Variants in SPTBN5 observed in about 807,000 individuals in gnomAD.
SPTBN5 encodes spectrin beta chain, non-erythrocytic 5.
In SPTBN5, 513 loss-of-function variants were observed where a neutral mutation model predicts 477.6. That is an observed-to-expected ratio of 1.07 (90% confidence interval 1.00 to 1.16). The LOEUF is 1.16. Ranked by LOEUF, SPTBN5 falls within the 50% of genes most tolerant of loss-of-function variation. The pLI, the probability that SPTBN5 is intolerant of heterozygous loss-of-function variation, is 0.00. For missense variants in SPTBN5, 5,062 were observed against 4,731.8 expected (o/e 1.07, Z -2.05); for synonymous variants, 2,169 against 2,011.7 (o/e 1.08, Z -2.09).
chr15:41,868,312 C>T, intron 33 of SPTBN5, 86 bp downstream of exon 33: 1 of 1,563,756 alleles, frequency 6.4e-7, no homozygotes, highest in Admixed American at 1.9e-5. Flanking sequence ...GAGAGGCCAG[C>T]ATGGCACAGT....
Position 41,857,708 on chromosome 15 carries a change from C to T in SPTBN5, c.8229G>A (p.Glu2743=). 1 of 1,569,632 alleles carries T rather than the reference C, an allele frequency of 6.4e-7. No individual in the cohort carries two copies. The highest frequency in any genetic ancestry group is 8.6e-7 in the Non-Finnish European group (1 of 1,160,372). ...GGCCCCCCTGCAGCAGCCTCTGTCC[C>T]TCCTGCAGCCACAACATGAAACACA... ...SMHQQQELQR[E]GQRLLQGGHP... Residue 2743 remains glutamate (E), a splice_region_variant and synonymous_variant, in exon 50 of 68, where the codon GAG becomes GAA. Transcript: ENST00000320955.
rs1384895127 is a variant in SPTBN5, at chr15:41,857,339, G to A, written c.8520C>T (p.Ala2840=). Residue 2840 remains alanine (A), a synonymous_variant, in exon 51 of 68, where the codon GCC becomes GCT. Transcript: ENST00000320955. ...GGCCCAGCAGTGCCTCAGCCTGCCTGGCCTTCTTGTCCACTGCTGCCTCCA... is the reference window on the plus strand; with the variant it reads ...GGCCCAGCAGTGCCTCAGCCTGCCTAGCCTTCTTGTCCACTGCTGCCTCCA... ...RELEAAVDKK[A]RQAEALLGQA... 4 of 1,570,378 alleles carry A rather than the reference G, an allele frequency of 2.5e-6. No individual in the cohort carries two copies. Among genetic ancestry groups the A allele is most frequent in the Non-Finnish European group, 3.5e-6 (4 of 1,158,176 alleles).
In SPTBN5 at chr15:41,875,531, T is replaced by C; in HGVS notation, c.4214A>G (p.Asn1405Ser). The stretch of plus-strand genomic sequence containing the variant: ...GTCCCCACGCTCAGTCATCTTGCGG[T>C]TCAAAGCTTCCCACTTGCTTCTCAG... ...QGLRSKWEAL[N>S]RKMTERGDEL... The change falls in exon 22 of 68, where the codon AAC becomes AGC. Residue 1405 changes from asparagine (N) to serine (S), a missense_variant. Physicochemically the swap from Asn to Ser is conservative, Grantham distance 46 (BLOSUM62 1). Transcript: ENST00000320955. The C allele has an allele frequency of 6.2e-7, 1 of 1,612,252 alleles. No homozygotes were observed. Among genetic ancestry groups the C allele is most frequent in the Non-Finnish European group, 8.5e-7 (1 of 1,179,338 alleles).
At position 41,848,251 on chromosome 15, in the gene SPTBN5, T is replaced by C. The variant is rs1308800329; in HGVS notation, c.*365A>G. The C allele has an allele frequency of 8.1e-6, 4 of 492,336 alleles. No homozygotes were observed. Among genetic ancestry groups the C allele is most frequent in the Non-Finnish European group, 1.1e-5 (3 of 270,790 alleles). The allele number at this position is 492,336 out of a possible 1,614,324, so 30.5% of individuals were successfully genotyped here. ...GTACAGAGCTCGCTCATCAGTGTTCTTCCTCCGAAGAGCACATTCTCTGCA... is the reference window on the plus strand; with the variant it reads ...GTACAGAGCTCGCTCATCAGTGTTCCTCCTCCGAAGAGCACATTCTCTGCA... On this transcript the variant is annotated 3_prime_UTR_variant, in exon 68 of 68. Transcript: ENST00000320955.
Position 41,878,578 on chromosome 15 carries a change from C to T in SPTBN5, c.3234G>A (p.Glu1078=). ...AESQPLQGQV[E]TLQGLLKQVQ... ...CTTGCTTCAGCAGCCCCTGCAGTGTCTCCACCTGTCCTTGCAGAGGCTGGC... is the reference window on the plus strand; with the variant it reads ...CTTGCTTCAGCAGCCCCTGCAGTGTTTCCACCTGTCCTTGCAGAGGCTGGC... Residue 1078 remains glutamate, a synonymous_variant, in exon 17 of 68, where the codon GAG becomes GAA. Coordinates refer to ENST00000320955, the MANE Select transcript of SPTBN5 (RefSeq NM_016642.4). 6.2e-7 allele frequency: 1 copy of T among 1,612,854 alleles called. No individual in the cohort carries two copies. The highest frequency in any genetic ancestry group is 1.1e-5 in the South Asian group (1 of 90,994).
chr15:41,881,119 G>GGGTCAT lies in SPTBN5; in HGVS notation c.2572_2573insATGACC (p.Glu857_Pro858insHisAsp), dbSNP rs1244128579. 2 of 1,613,636 alleles carry GGGTCAT rather than the reference G, an allele frequency of 1.2e-6. No homozygotes were observed. The highest frequency in any genetic ancestry group is 4.5e-5 in the East Asian group (2 of 44,886). ...AGTGTTGGGATCAAAGTCAGGGTCA[G>GGGTCAT]GCTCAGCTGGGAGGGCCATCTTCCA... On this transcript the variant is annotated inframe_insertion, in exon 13 of 68. Coordinates refer to ENST00000320955, the MANE Select transcript of SPTBN5 (RefSeq NM_016642.4).
At chr15:41,852,776 G>GGGT (rs758878045) in intron 60 of SPTBN5, 41 bp from the exon 61 acceptor site, 1 of 1,610,982 alleles carries the variant, frequency 6.2e-7, no homozygotes, top group Non-Finnish European at 8.5e-7. Context: ...GCTTGGGGGG[G>GGGT]GGGGCCCAGA....
intron 36 of SPTBN5, among the ~76,000 whole-genome samples, chr15:41,866,704 C>T (rs1313679797): frequency 6.6e-6 from 1 of 152,172 alleles, no homozygotes; most frequent in Non-Finnish European, 1.5e-5. Flanking sequence ...GGAGGTGTGG[C>T]CCCTACTCCT....
intron 36 of SPTBN5, 86 bp downstream of exon 36, chr15:41,866,873 G>A (rs183539272): frequency 1.5e-5 from 21 of 1,438,704 alleles, no homozygotes; most frequent in African/African-American, 1.4e-4. Flanking sequence ...ACCTGTTTCC[G>A]CCTCACAGTG....
rs1317350693 is a variant in SPTBN5 at position 41,855,610 on chromosome 15, G to C, written c.9157C>G (p.Pro3053Ala). ...ATKRDLEAFS[P>A]RIERLQQTAA... ...GTCTGCTGCAGCCGCTCGATGCGTG[G>C]GCTGAACGCTTCCAGGTCTCTCTTG... Residue 3053 changes from proline (P) to alanine (A), a missense_variant, in exon 54 of 68, where the codon CCA becomes GCA. By Grantham distance (27) the Pro-to-Ala change is conservative. Transcript: ENST00000320955. 1.2e-6 allele frequency: 2 copies of C among 1,611,470 alleles called. No homozygotes were observed. Among genetic ancestry groups the C allele is most frequent in the East Asian group, 2.2e-5 (1 of 44,880 alleles).
chr15:41,864,073 C>A, intron 39 of SPTBN5, 49 bp from the exon 40 acceptor site: 1 of 1,492,322 alleles, frequency 6.7e-7, no homozygotes, highest in Non-Finnish European at 9.2e-7. Flanking sequence ...ATGCAGAGCC[C>A]CTTCTTCCCA....
intron 13 of SPTBN5, among the ~76,000 whole-genome samples, chr15:41,880,518 G>A (rs1296843534): frequency 1.3e-5 from 2 of 152,200 alleles, no homozygotes; most frequent in African/African-American, 4.8e-5. Flanking sequence ...CAAGGGCTTA[G>A]GGAAGGGTAA....
At chr15:41,849,682 C>G (rs1488231412) in intron 67 of SPTBN5, among the ~76,000 whole-genome samples, 187 bp downstream of exon 67, 2 of 152,196 alleles carry the variant, frequency 1.3e-5, no homozygotes, top group African/African-American at 2.4e-5. Flanking sequence ...CTGTGGAAAT[C>G]TGGGCTTTGT....
rs1393844126 is a variant in SPTBN5, at chr15:41,882,013, G to A, written c.2380C>T (p.Leu794=). 6 of 1,538,528 alleles carry A rather than the reference G, an allele frequency of 3.9e-6. No individual in the cohort carries two copies. Among genetic ancestry groups the A allele is most frequent in the Non-Finnish European group, 5.2e-6 (6 of 1,152,118 alleles). ...LRRHVRLERV[L]RAFAAELRRL... ...CGCAGCTCGGCCGCGAAGGCGCGCAGGACGCGCTCCAGCCGCACGTGGCGC... is the reference window on the plus strand; with the variant it reads ...CGCAGCTCGGCCGCGAAGGCGCGCAAGACGCGCTCCAGCCGCACGTGGCGC... Residue 794 remains leucine (L), a synonymous_variant, in exon 12 of 68, where the codon CTG becomes TTG. Coordinates refer to ENST00000320955, the MANE Select transcript of SPTBN5 (RefSeq NM_016642.4).
rs1567231426 is a variant in SPTBN5, at chr15:41,886,347, T to A, written c.908A>T (p.Glu303Val). The change falls in exon 7 of 68, where the codon GAG (glutamate) becomes GTG (valine). Residue 303 changes from glutamate to valine, a missense_variant. Glu to Val is a moderately radical substitution (Grantham distance 121). Transcript: ENST00000320955. ...GTACTGGGTCTGCAGCAGCTCTGTC[T>A]CCTGGAGCTGAAGCAGGATCTGGTG... Reference protein sequence around the residue: ...RLTKILLQLQETELLQTQYEQ... With the variant: ...RLTKILLQLQVTELLQTQYEQ... 1.9e-6 allele frequency: 3 copies of A among 1,604,576 alleles called. No individual in the cohort carries two copies. The East Asian group carries it at 6.7e-5, about 36-fold the overall frequency.
chr15:41,853,316 T>C lies in SPTBN5; in HGVS notation c.10112A>G (p.Gln3371Arg), dbSNP rs781378268. 2 of 1,612,570 alleles carry C rather than the reference T, an allele frequency of 1.2e-6. No individual in the cohort carries two copies. The highest frequency in any genetic ancestry group is 2.7e-5 in the African/African-American group (2 of 74,924). The change falls in exon 59 of 68, where the codon CAG becomes CGG. Residue 3371 changes from glutamine to arginine, a missense_variant. Physicochemically the swap from Gln to Arg is conservative, Grantham distance 43 (BLOSUM62 1). Coordinates refer to ENST00000320955, the MANE Select transcript of SPTBN5 (RefSeq NM_016642.4). ...QEIRECRLQA[Q>R]DLRQEGQQLV... The stretch of plus-strand genomic sequence containing the variant: ...CTGCTGTCCTTCCTGCCGCAGGTCC[T>C]GGGCTTGAAGGCGGCACTCCCTGAT...
chr15:41,875,138 C>T, intron 22 of SPTBN5, 82 bp from the exon 23 acceptor site: 4 of 1,320,834 alleles, frequency 3.0e-6, no homozygotes, highest in Non-Finnish European at 4.1e-6. Flanking sequence ...GACTGTTGGA[C>T]TTTTAGGACC....
chr15:41,870,102 T>C (rs2066481231), intron 31 of SPTBN5, 82 bp from the exon 32 acceptor site: 1 of 1,449,070 alleles, frequency 6.9e-7, no homozygotes, highest in Admixed American at 2.7e-5. Context: ...CTGGGAACTC[T>C]GGCCCCCTTG....
In SPTBN5 at chr15:41,856,870, G is replaced by C; in HGVS notation, c.8791C>G (p.Leu2931Val). The C allele has an allele frequency of 6.5e-7, 1 of 1,548,154 alleles. No homozygotes were observed. The highest frequency in any genetic ancestry group is 8.7e-7 in the Non-Finnish European group (1 of 1,145,030). The part of the protein sequence containing the change: ...YGQSLSAVRH[L>V]QEQHQNLESE... ...GCCCACACCTGGTGCTGCTCCTGCA[G>C]GTGCCGCACCGCACTCAGGCTCTGG... The change falls in exon 52 of 68, where the codon CTG becomes GTG. Residue 2931 changes from leucine (L) to valine (V), a missense_variant. Coordinates refer to ENST00000320955, the MANE Select transcript of SPTBN5 (RefSeq NM_016642.4).
Sources: gnomAD v4.1 joint callset for allele counts (sites outside exome capture counted in the v4.1 genomes callset) on GRCh38, gnomAD v4.1.1 for gene constraint, MANE v1.5 for transcripts, NCBI Gene and HGNC (gene_info 2026-07-23, HGNC 2026-07-21) for gene names.